The following DST variants were observed in gnomAD, a reference collection of about 807,000 sequenced individuals.
DST encodes the protein dystonin.
In DST, 253 loss-of-function variants were observed where a neutral mutation model predicts 875.2. The observed-to-expected ratio is 0.29, with a 90% confidence interval of 0.26 to 0.32. The LOEUF is 0.32. Ranked by LOEUF, DST falls within the 10% of genes least tolerant of loss-of-function variation. The pLI is 1.00. For synonymous variants in DST, 3,124 were observed against 3,197.1 expected, an observed-to-expected ratio of 0.98 and a Z score of 0.77; for missense variants, 8,287 against 9,111.6, an observed-to-expected ratio of 0.91 and a Z score of 3.68.
At position 56,610,637 on chromosome 6, in the gene DST, T is replaced by G. The variant is rs955214394; in HGVS notation, c.5148-75A>C. On this transcript the variant is annotated intron_variant, in intron 38 of 103. Coordinates refer to ENST00000680361, the MANE Select transcript of DST (RefSeq NM_001374736.1). Reference sequence around the variant, plus strand: ...ATAAAGATGTATTAGGTTCAATAATTTTGTCATATGATGGTAAAATAAAAT... The same window carrying G: ...ATAAAGATGTATTAGGTTCAATAATGTTGTCATATGATGGTAAAATAAAAT... The G allele has an allele frequency of 6.2e-6, 8 of 1,284,274 alleles. No individual in the cohort carries two copies. In the African/African-American group the frequency reaches 1.1e-4, roughly 17 times the overall value. 79.6% of individuals were successfully genotyped at this position (1,284,274 alleles called of 1,614,324 possible).
chr6:56,792,727 A>G (rs1275020253), intron 4 of DST, among the ~76,000 whole-genome samples: 7 of 152,192 alleles, frequency 4.6e-5, no homozygotes, highest in African/African-American at 1.7e-4. Context: ...CCTGAATCCA[A>G]TCATAAGGAA....
intron 4 of DST, among the ~76,000 whole-genome samples, chr6:56,781,294 T>A: frequency 6.6e-6 from 1 of 152,202 alleles, no homozygotes; most frequent in East Asian, 1.9e-4. Context: ...TGGCATTGAA[T>A]CTATAAACTA....
chr6:56,541,695 C>T (rs1449400152), intron 61 of DST: 1 of 152,134 alleles, frequency 6.6e-6, no homozygotes, highest in African/African-American at 2.4e-5. Flanking sequence ...AAGACACATG[C>T]TCAAATAATA....
At chr6:56,716,561 G>A (rs1273653018) in intron 5 of DST, among the ~76,000 whole-genome samples, 2 of 152,052 alleles carry the variant, frequency 1.3e-5, no homozygotes, top group Admixed American at 6.5e-5. Context: ...CTAAAAATAG[G>A]CAAAGAGAAC....
chr6:56,625,093 A>T (rs1197726724), intron 35 of DST, 64 bp downstream of exon 35: 1 of 1,173,656 alleles, frequency 8.5e-7, no homozygotes, highest in African/African-American at 1.5e-5. Flanking sequence ...CAAAAAATAA[A>T]ATTTAAAAAG....
chr6:56,795,479 C>T (rs746285297), intron 4 of DST, among the ~76,000 whole-genome samples: 14 of 152,064 alleles, frequency 9.2e-5, no homozygotes, highest in Admixed American at 6.5e-4. Context: ...CCTAACACAA[C>T]GGATGGAAAG....
chr6:56,662,665 C>A (rs147568349), intron 10 of DST, among the ~76,000 whole-genome samples: 3 of 152,150 alleles, frequency 2.0e-5, no homozygotes, highest in Non-Finnish European at 4.4e-5. Context: ...TTTGGCCGGG[C>A]GAGGTGGCTG....
intron 29 of DST, among the ~76,000 whole-genome samples, chr6:56,631,651 C>T (rs535725077): frequency 6.6e-6 from 1 of 152,164 alleles, no homozygotes; most frequent in African/African-American, 2.4e-5. Flanking sequence ...ATTACAAGTC[C>T]TTATATCCTT....
intron 2 of DST, among the ~76,000 whole-genome samples, chr6:56,926,313 G>A (rs1286598846): frequency 3.9e-5 from 6 of 152,160 alleles, no homozygotes; most frequent in Non-Finnish European, 5.9e-5. Context: ...ACAGCAGTGA[G>A]CTAAGCATTG....
intron 47 of DST, among the ~76,000 whole-genome samples, chr6:56,594,851 C>G (rs956127113): frequency 3.3e-5 from 5 of 152,178 alleles, no homozygotes; most frequent in African/African-American, 1.2e-4. Flanking sequence ...TACATGAGAT[C>G]ACATATGTAG....
chr6:56,882,898 G>A (rs935229913), intron 3 of DST, among the ~76,000 whole-genome samples: 4 of 152,016 alleles, frequency 2.6e-5, no homozygotes, highest in Admixed American at 6.5e-5. Flanking sequence ...ACAGAGTCTC[G>A]CTCTGTCACC....
At chr6:56,651,272 G>C in intron 10 of DST, 28 bp from the exon 11 acceptor site, 1 of 1,418,660 alleles carries the variant, frequency 7.0e-7, no homozygotes. Context: ...GTGTTAATTA[G>C]GTTTTCTCAT....
At chr6:56,473,002 G>C (rs73749926) in intron 93 of DST, among the ~76,000 whole-genome samples, 1,894 of 152,300 alleles carry the variant, frequency 0.012, 40 homozygotes, top group African/African-American at 0.043. Context: ...ACAAATACTT[G>C]AGCATTTAAC....
At chr6:56,491,252 C>A (rs921944226) in intron 85 of DST, among the ~76,000 whole-genome samples, 1 of 152,172 alleles carries the variant, frequency 6.6e-6, no homozygotes, top group Non-Finnish European at 1.5e-5. Flanking sequence ...TAGCATTAAA[C>A]ATTGAAACAC....
At chr6:56,646,925 G>C (rs2098946183) in intron 13 of DST, among the ~76,000 whole-genome samples, 1 of 152,172 alleles carries the variant, frequency 6.6e-6, no homozygotes, top group African/African-American at 2.4e-5. Flanking sequence ...ACAAGACCCT[G>C]TAAATCTTTA....
At chr6:56,716,592 G>T (rs1464836616) in intron 5 of DST, among the ~76,000 whole-genome samples, 1 of 152,284 alleles carries the variant, frequency 6.6e-6, no homozygotes, top group East Asian at 1.9e-4. Flanking sequence ...GCTCACAACT[G>T]TAATCCCAGC....
Position 56,954,048 on chromosome 6 carries a change from G to C in DST, c.182-229C>G, listed in dbSNP as rs71564870. Among the ~76,000 whole-genome samples, 19,680 of 152,262 alleles carry C rather than the reference G, an allele frequency of 0.13. 1,484 individuals carry two copies. The highest frequency in any genetic ancestry group is 0.2 in the Middle Eastern group (59 of 294). On this transcript the variant is annotated intron_variant, in intron 1 of 103. Transcript: ENST00000680361. ...TCTGGGGGAGTTGGGGAGCCCCGAA[G>C]TTTCCATGCCTTACTTTCTTACCCC... is the stretch of plus-strand genomic sequence containing the variant.
At chr6:56,872,943 T>C (rs1410099678) in intron 3 of DST, among the ~76,000 whole-genome samples, 1 of 150,588 alleles carries the variant, frequency 6.6e-6, no homozygotes, top group Non-Finnish European at 1.5e-5. Context: ...TTTTCCACAA[T>C]GGCTGTACTA....
intron 2 of DST, among the ~76,000 whole-genome samples, chr6:56,946,396 A>G (rs953962094): frequency 1.3e-5 from 2 of 152,220 alleles, no homozygotes; most frequent in South Asian, 2.1e-4. Flanking sequence ...AGAAGGTAAC[A>G]AAGAAGCTTT....
Sources: gnomAD v4.1 joint callset for allele counts (sites outside exome capture counted in the v4.1 genomes callset) on GRCh38, gnomAD v4.1.1 for gene constraint, MANE v1.5 for transcripts, NCBI Gene and HGNC (gene_info 2026-07-23, HGNC 2026-07-21) for gene names.